OSBPL10: variants seen among roughly 807,000 people sequenced by gnomAD.
The protein encoded by OSBPL10 is oxysterol-binding protein-related protein 10.
A neutral mutation model predicts 81.7 loss-of-function variants in OSBPL10; 49 were observed. That is an observed-to-expected ratio of 0.60 (90% CI 0.48 to 0.76). The LOEUF is 0.76. Ranked by LOEUF, OSBPL10 falls within the 30% of genes least tolerant of loss-of-function variation. OSBPL10 has a pLI of 0.00. For synonymous variants in OSBPL10, 419 were observed against 383.6 expected (o/e 1.09, Z -1.08); for missense variants, 923 against 987.8 (o/e 0.93, Z 0.88).
rs1559476483 is a variant in OSBPL10 at position 31,812,804 on chromosome 3, A to AAGAAAGAG, written c.729+17235_729+17236insCTCTTTCT. Reference sequence around the variant, plus strand: ...AAAGAAAGAAAGAAAGAAAGAAAGAAAGAAAGAAAGAAAGAGAAAGAAAGA... The same window carrying AAGAAAGAG: ...AAAGAAAGAAAGAAAGAAAGAAAGAAAGAAAGAGAGAAAGAAAGAAAGAGAAAGAAAGA... On this transcript the variant is annotated intron_variant, in intron 4 of 11. Coordinates refer to ENST00000396556, the MANE Select transcript of OSBPL10 (RefSeq NM_017784.5). Among the ~76,000 whole-genome samples, 9 of 56,062 alleles carry AAGAAAGAG rather than the reference A, an allele frequency of 1.6e-4. 1 individual carries two copies. The highest frequency in any genetic ancestry group is 2.1e-4 in the Non-Finnish European group (6 of 28,902). The allele number at this position is 56,062 out of a possible 152,430, so 36.8% of individuals were successfully genotyped here. A position where few individuals can be genotyped will look rare whatever the true frequency, so the allele number is the denominator to read the frequency against.
chr3:31,915,881 G>A (rs1409038681), intron 1 of OSBPL10, among the ~76,000 whole-genome samples: 1 of 152,032 alleles, frequency 6.6e-6, no homozygotes, highest in Admixed American at 6.6e-5. Context: ...ATCACCTGAG[G>A]TCAGGAGTTC....
At chr3:31,901,200 A>G (rs1438014709) in intron 1 of OSBPL10, among the ~76,000 whole-genome samples, 1 of 152,194 alleles carries the variant, frequency 6.6e-6, no homozygotes, top group Non-Finnish European at 1.5e-5. Context: ...ACTTCTAATC[A>G]TCTCCCTCTA....
chr3:31,853,387 G>A (rs1370506303), intron 3 of OSBPL10, among the ~76,000 whole-genome samples: 2 of 152,122 alleles, frequency 1.3e-5, no homozygotes, highest in African/African-American at 4.8e-5. Flanking sequence ...TGAAGGGCTG[G>A]AAAAGCAGCT....
chr3:31,802,395 TA>T (rs1003876573), intron 4 of OSBPL10, among the ~76,000 whole-genome samples: 116 of 139,668 alleles, frequency 8.3e-4, no homozygotes, highest in East Asian at 3.8e-3. Context: ...CCATCTCTAC[TA>T]AAAAAAAAAA....
At chr3:31,863,455 A>T (rs573664062) in intron 3 of OSBPL10, among the ~76,000 whole-genome samples, 57 of 152,350 alleles carry the variant, frequency 3.7e-4, no homozygotes, top group African/African-American at 1.4e-3. Flanking sequence ...CTTAAATTTT[A>T]AGAAACGATA....
intron 2 of OSBPL10, among the ~76,000 whole-genome samples, chr3:32,000,630 C>G (rs1699136480): frequency 6.6e-6 from 1 of 152,194 alleles, no homozygotes; most frequent in Admixed American, 6.5e-5. Flanking sequence ...GTTTGTCAGC[C>G]CTTCCTCGTG....
chr3:31,864,703 G>C (rs886582701), intron 3 of OSBPL10, among the ~76,000 whole-genome samples: 1 of 152,108 alleles, frequency 6.6e-6, no homozygotes, highest in Admixed American at 6.5e-5. Flanking sequence ...TGAATGATGG[G>C]TAGAGATAGA....
At chr3:31,735,090 C>CA (rs1697110574) in intron 5 of OSBPL10, among the ~76,000 whole-genome samples, 1 of 152,076 alleles carries the variant, frequency 6.6e-6, no homozygotes, top group African/African-American at 2.4e-5. Flanking sequence ...TATTTTTATG[C>CA]AAAAATCCTT....
chr3:31,936,127 T>C (rs1273368541), intron 1 of OSBPL10, among the ~76,000 whole-genome samples: 1 of 152,208 alleles, frequency 6.6e-6, no homozygotes, highest in Non-Finnish European at 1.5e-5. Context: ...TGTCCATTCC[T>C]GAGCTTCTCT....
chr3:31,916,606 A>G (rs1400054401), intron 1 of OSBPL10, among the ~76,000 whole-genome samples: 3 of 152,210 alleles, frequency 2.0e-5, no homozygotes, highest in Non-Finnish European at 4.4e-5. Context: ...TGGCTCACCA[A>G]TGAGTAAGCT....
At chr3:31,862,547 T>C (rs541586718) in intron 3 of OSBPL10, among the ~76,000 whole-genome samples, 1 of 152,230 alleles carries the variant, frequency 6.6e-6, no homozygotes, top group South Asian at 2.1e-4. Context: ...ATGTATCTGA[T>C]AAAGGTCTAA....
intron 4 of OSBPL10, among the ~76,000 whole-genome samples, chr3:31,760,972 G>GT (rs199798359): frequency 2.2e-3 from 314 of 145,822 alleles, no homozygotes; most frequent in Middle Eastern, 3.5e-3. Flanking sequence ...GAACTGCTAA[G>GT]TTTTTTTTTT....
chr3:31,914,735 A>G (rs769077476), intron 1 of OSBPL10, among the ~76,000 whole-genome samples: 8 of 152,210 alleles, frequency 5.3e-5, no homozygotes, highest in Non-Finnish European at 1.2e-4. Context: ...ATGTGCAACT[A>G]TTTAACTTAA....
At chr3:31,701,164 G>A (rs973084677) in intron 7 of OSBPL10, among the ~76,000 whole-genome samples, 16 of 152,084 alleles carry the variant, frequency 1.1e-4, no homozygotes, top group Non-Finnish European at 2.1e-4. Context: ...CCTCCTCAAA[G>A]AATTCCTCAC....
chr3:31,976,331 C>T (rs1698696295), intron 1 of OSBPL10, among the ~76,000 whole-genome samples: 1 of 152,140 alleles, frequency 6.6e-6, no homozygotes. Context: ...ACATCATTTC[C>T]CACATTTAGC....
intron 1 of OSBPL10, among the ~76,000 whole-genome samples, chr3:32,070,669 C>T (rs1177165341): frequency 4.6e-5 from 7 of 152,178 alleles, no homozygotes; most frequent in African/African-American, 7.2e-5. Context: ...CCAATTCTCC[C>T]GTTTTACCTG....
intron 2 of OSBPL10, among the ~76,000 whole-genome samples, chr3:31,988,114 G>A (rs1054965186): frequency 1.4e-4 from 21 of 152,128 alleles, no homozygotes; most frequent in East Asian, 3.9e-4. Flanking sequence ...ACCACTGATC[G>A]CTTTGCACCT....
At chr3:31,758,609 T>C (rs1483328134) in intron 4 of OSBPL10, among the ~76,000 whole-genome samples, 2 of 152,054 alleles carry the variant, frequency 1.3e-5, no homozygotes, top group East Asian at 1.9e-4. Flanking sequence ...ACCACGAGAG[T>C]GGTTCTGGCC....
intron 1 of OSBPL10, among the ~76,000 whole-genome samples, chr3:32,060,457 T>A (rs1176199311): frequency 1.3e-5 from 2 of 152,222 alleles, no homozygotes; most frequent in Non-Finnish European, 2.9e-5. Flanking sequence ...AATGCTCATA[T>A]ACCAAAAATG....
Sources: allele counts gnomAD v4.1 joint callset (sites outside exome capture counted in the v4.1 genomes callset), GRCh38; gene constraint gnomAD v4.1.1; transcripts MANE v1.5; gene names NCBI Gene and HGNC (gene_info 2026-07-23, HGNC 2026-07-21).